The following LRRC15 variants were observed in gnomAD, a reference collection of about 807,000 sequenced individuals.
The protein encoded by LRRC15 is leucine rich repeat containing 15.
LRRC15 carries 5 observed loss-of-function variants against 4.3 expected under a neutral mutation model. The observed-to-expected ratio is 1.16, with a 90% CI of 0.61 to 2.44. The LOEUF (loss-of-function observed/expected upper bound fraction) is 2.44. LRRC15 is among the 30% of genes most tolerant of loss of function. The pLI, the probability that LRRC15 is intolerant of heterozygous loss-of-function variation, is 0.01. For synonymous variants in LRRC15, 337 were observed against 323.2 expected (o/e 1.04, Z -0.46); for missense variants, 769 against 747.0 (o/e 1.03, Z -0.34).
chr3:194,362,931 T>C (rs1322537376), intron 1 of LRRC15, among the ~76,000 whole-genome samples: 3 of 133,326 alleles, frequency 2.3e-5, no homozygotes, highest in East Asian at 2.0e-4. Flanking sequence ...CACACAGACC[T>C]TGATTTTGTT....
At chr3:194,366,071 G>C (rs138935563) in intron 1 of LRRC15, among the ~76,000 whole-genome samples, 195 of 152,324 alleles carry the variant, frequency 1.3e-3, no homozygotes, top group African/African-American at 4.4e-3. Context: ...AGCAGCCAGG[G>C]TCTGTCCCCA....
chr3:194,356,017 G>A lies in LRRC15; in HGVS notation c.*3281C>T, dbSNP rs1194428513. On this transcript the variant is annotated 3_prime_UTR_variant, in exon 2 of 2. Transcript: ENST00000347624. ...GACCAAGACTAAGGAGAGCAACAGGGGAATGGCTTCCATTTCCTTTGGTTT... is the reference window on the plus strand; with the variant it reads ...GACCAAGACTAAGGAGAGCAACAGGAGAATGGCTTCCATTTCCTTTGGTTT... The A allele has an allele frequency of 1.3e-5, 2 of 152,176 alleles. No individual in the cohort carries two copies. The highest frequency in any genetic ancestry group is 2.4e-5 in the African/African-American group (1 of 41,436). 9.4% of individuals were successfully genotyped at this position (152,176 alleles called of 1,614,324 possible).
chr3:194,364,664 C>A (rs577210207), intron 1 of LRRC15, among the ~76,000 whole-genome samples: 105 of 152,218 alleles, frequency 6.9e-4, no homozygotes, highest in Non-Finnish European at 1.3e-3. Context: ...GAGAGGACTG[C>A]ACAGATAATT....
Position 194,359,142 on chromosome 3 carries a change from G to A in LRRC15, c.*156C>T. 1 of 663,670 alleles carries A rather than the reference G, an allele frequency of 1.5e-6. No homozygotes were observed. Among genetic ancestry groups the A allele is most frequent in the Non-Finnish European group, 2.5e-6 (1 of 404,588 alleles). The allele number at this position is 663,670 out of a possible 1,614,324, so 41.1% of individuals were successfully genotyped here. ...CGGCACGACCTGCTTCTCTACGGGAGAATCAGGCAAGTCAGGAAGAGGTAG... is the reference window on the plus strand; with the variant it reads ...CGGCACGACCTGCTTCTCTACGGGAAAATCAGGCAAGTCAGGAAGAGGTAG... On this transcript the variant is annotated 3_prime_UTR_variant, in exon 2 of 2. Coordinates refer to ENST00000347624, the MANE Select transcript of LRRC15 (RefSeq NM_130830.5).
chr3:194,360,401 C>A lies in LRRC15; in HGVS notation c.643G>T (p.Gly215Cys), dbSNP rs749612107. 33 of 1,613,990 alleles carry A rather than the reference C, an allele frequency of 2.0e-5. No homozygotes were observed. In the South Asian group the frequency reaches 3.4e-4, roughly 17 times the overall value. ...AGGTTAACAAGCCCATCAAAAGTGC[C>A]CATGGGGATATCCGTGAGCCTGTTC... ...YENRLTDIPM[G>C]TFDGLVNLQE... The change falls in exon 2 of 2, where the codon GGC becomes TGC. Residue 215 changes from glycine (G) to cysteine (C), a missense_variant. Gly to Cys is a radical substitution (Grantham distance 159). Coordinates refer to ENST00000347624, the MANE Select transcript of LRRC15 (RefSeq NM_130830.5).
Position 194,360,158 on chromosome 3 carries a change from G to C in LRRC15, c.886C>G (p.Arg296Gly). ...PGIFGPMPNL[R>G]ELWLYDNHIS... Reference sequence around the variant, plus strand: ...TGGTTGTCATAGAGCCAAAGCTCCCGCAGGTTGGGCATGGGCCCGAAGATC... The same window carrying C: ...TGGTTGTCATAGAGCCAAAGCTCCCCCAGGTTGGGCATGGGCCCGAAGATC... The change falls in exon 2 of 2, where the codon CGG becomes GGG. Residue 296 changes from arginine (R) to glycine (G), a missense_variant. Transcript: ENST00000347624. 3 of 1,613,842 alleles carry C rather than the reference G, an allele frequency of 1.9e-6. No individual in the cohort carries two copies. The highest frequency in any genetic ancestry group is 2.2e-5 in the East Asian group (1 of 44,886).
chr3:194,367,048 C>G (rs1577002137), intron 1 of LRRC15, among the ~76,000 whole-genome samples: 1 of 152,340 alleles, frequency 6.6e-6, no homozygotes, highest in East Asian at 1.9e-4. Context: ...CCACCTTCCC[C>G]CTGCCCAGCA....
chr3:194,359,908 T>C lies in LRRC15; in HGVS notation c.1136A>G (p.Gln379Arg). 6.2e-7 allele frequency: 1 copy of C among 1,614,134 alleles called. No individual in the cohort carries two copies. Among genetic ancestry groups the C allele is most frequent in the South Asian group, 1.1e-5 (1 of 91,084 alleles). ...NISLQNNRLR[Q>R]LPGNIFANVN... ...GTTGGCGAAGATATTCCCTGGGAGC[T>C]GTCTGAGGCGGTTGTTCTGCAGGGA... Residue 379 changes from glutamine (Q) to arginine (R), a missense_variant, in exon 2 of 2, where the codon CAG becomes CGG. Coordinates refer to ENST00000347624, the MANE Select transcript of LRRC15 (RefSeq NM_130830.5).
At position 194,360,062 on chromosome 3, in the gene LRRC15, G is replaced by A; in HGVS notation, c.982C>T (p.Gln328Ter). Residue 328 changes from glutamine to a stop codon, truncating the protein, a stop_gained, in exon 2 of 2, where the codon CAG becomes TAG. Coordinates refer to ENST00000347624, the MANE Select transcript of LRRC15 (RefSeq NM_130830.5). LOFTEE classifies it low-confidence loss of function (END_TRUNC). ...QLQVLILSRNQISFISPGAFN... is the reference protein window; with the variant it reads ...QLQVLILSRN ...GCACCCGGGGAGATGAAGCTGATCTGATTGCGGCTAAGAATCAGGACCTGC... is the reference window on the plus strand; with the variant it reads ...GCACCCGGGGAGATGAAGCTGATCTAATTGCGGCTAAGAATCAGGACCTGC... The A allele has an allele frequency of 6.2e-7, 1 of 1,614,236 alleles. No homozygotes were observed. Among genetic ancestry groups the A allele is most frequent in the Non-Finnish European group, 8.5e-7 (1 of 1,180,046 alleles).
intron 1 of LRRC15, among the ~76,000 whole-genome samples, chr3:194,366,210 C>A (rs1298616791): frequency 2.0e-5 from 3 of 152,248 alleles, no homozygotes; most frequent in African/African-American, 7.2e-5. Context: ...CAAACATCCC[C>A]TCTCCTGGGG....
At chr3:194,367,065 G>T (rs1165054114) in intron 1 of LRRC15, among the ~76,000 whole-genome samples, 1 of 152,162 alleles carries the variant, frequency 6.6e-6, no homozygotes, top group Admixed American at 6.5e-5. Context: ...AGCATGATTC[G>T]CCAAGGGCAA....
In LRRC15 at chr3:194,359,046, G is replaced by T. The variant is rs1289062245; in HGVS notation, c.*252C>A. ...AGAGCCCTCTCGAAGGAAGCCCAGG[G>T]GTATGAATCGGAAATCCCCAGGGCT... On this transcript the variant is annotated 3_prime_UTR_variant, in exon 2 of 2. Transcript: ENST00000347624. 3 of 385,514 alleles carry T rather than the reference G, an allele frequency of 7.8e-6. No individual in the cohort carries two copies. The highest frequency in any genetic ancestry group is 1.4e-5 in the Non-Finnish European group (3 of 215,596). The allele number at this position is 385,514 out of a possible 1,614,324, so 23.9% of individuals were successfully genotyped here. A position where few individuals can be genotyped will look rare whatever the true frequency, so the allele number is the denominator to read the frequency against.
At chr3:194,365,445 T>G (rs1290748195) in intron 1 of LRRC15, among the ~76,000 whole-genome samples, 1 of 152,168 alleles carries the variant, frequency 6.6e-6, no homozygotes, top group Non-Finnish European at 1.5e-5. Flanking sequence ...AACACGAGGT[T>G]TCCTGGAAGG....
chr3:194,363,064 C>T (rs1713678824), intron 1 of LRRC15, among the ~76,000 whole-genome samples: 1 of 151,834 alleles, frequency 6.6e-6, no homozygotes, highest in Non-Finnish European at 1.5e-5. Context: ...GCCTCAGCCT[C>T]CCGAGTAGCT....
rs151091397 is a variant in LRRC15 at position 194,362,126 on chromosome 3, C to CTGTG, written c.-3-1084_-3-1081dup. 2.4e-3 allele frequency among the ~76,000 whole-genome samples: 368 copies of CTGTG among 151,578 alleles called. 2 individuals carry two copies. Among genetic ancestry groups the CTGTG allele is most frequent in the Middle Eastern group, 6.8e-3 (2 of 294 alleles). On this transcript the variant is annotated intron_variant, in intron 1 of 1. Coordinates refer to ENST00000347624, the MANE Select transcript of LRRC15 (RefSeq NM_130830.5). ...TCACTGATGACAATGACATATATAA[C>CTGTG]TGTGTGTGTGTATGTGTGTGTGTGT...
chr3:194,367,953 G>A (rs1221867790), intron 1 of LRRC15, among the ~76,000 whole-genome samples: 3 of 152,250 alleles, frequency 2.0e-5, no homozygotes, highest in Non-Finnish European at 4.4e-5. Flanking sequence ...TCATTAGCCT[G>A]GCAAGGGTGG....
Position 194,360,888 on chromosome 3 carries a change from G to A in LRRC15, c.156C>T (p.Pro52=). Reference sequence around the variant, plus strand: ...GGATCTGCAGGCTCATGGCGTTCCAGGGCAGAGGGGTGGGCACTGCCACAA... The same window carrying A: ...GGATCTGCAGGCTCATGGCGTTCCAAGGCAGAGGGGTGGGCACTGCCACAA... The part of the protein sequence containing the change: ...ARIVAVPTPL[P]WNAMSLQILN... Residue 52 remains proline, a synonymous_variant, in exon 2 of 2, where the codon CCC becomes CCT. Transcript: ENST00000347624. 2.5e-6 allele frequency: 4 copies of A among 1,607,158 alleles called. No homozygotes were observed. The South Asian group carries it at 4.4e-5, about 18-fold the overall frequency.
rs1292366464 is a variant in LRRC15 at position 194,359,208 on chromosome 3, A to G, written c.*90T>C. The stretch of plus-strand genomic sequence containing the variant: ...GGGCCAGAAAGAGCAATCACGGGAA[A>G]GCTCCATGGACCCAGGGGTGGAGGC... On this transcript the variant is annotated 3_prime_UTR_variant, in exon 2 of 2. Coordinates refer to ENST00000347624, the MANE Select transcript of LRRC15 (RefSeq NM_130830.5). 99 of 1,236,104 alleles carry G rather than the reference A, an allele frequency of 8.0e-5. No homozygotes were observed. Among genetic ancestry groups the G allele is most frequent in the Non-Finnish European group, 1.1e-4 (97 of 889,832 alleles). 76.6% of individuals were successfully genotyped at this position (1,236,104 alleles called of 1,614,324 possible).
chr3:194,362,350 G>A (rs145380675), intron 1 of LRRC15, among the ~76,000 whole-genome samples: 299 of 152,206 alleles, frequency 2.0e-3, no homozygotes, highest in African/African-American at 4.8e-3. Context: ...GGGTCATCCC[G>A]GCCAGCGCTG....
Sources: allele counts gnomAD v4.1 joint callset (sites outside exome capture counted in the v4.1 genomes callset), GRCh38; gene constraint gnomAD v4.1.1; transcripts MANE v1.5; gene names NCBI Gene and HGNC (gene_info 2026-07-23, HGNC 2026-07-21).